The following FYN variants were observed in gnomAD, a reference collection of about 807,000 sequenced individuals.
FYN encodes the protein tyrosine-protein kinase Fyn.
Under a neutral mutation model 70.2 loss-of-function variants are expected in FYN, and 10 were observed. That is an observed-to-expected ratio of 0.14 (90% CI 0.09 to 0.24). FYN has a LOEUF of 0.24. Among genes scored for constraint, FYN ranks in the 10% least tolerant of loss-of-function variants. The probability of loss-of-function intolerance (pLI) is 1.00; values close to 1 mark genes in which losing one functional copy is unlikely to be tolerated. For missense variants in FYN, 319 were observed against 673.1 expected, an observed-to-expected ratio of 0.47 and a Z score of 5.82; for synonymous variants, 236 against 248.6, an observed-to-expected ratio of 0.95 and a Z score of 0.48.
intron 3 of FYN, among the ~76,000 whole-genome samples, chr6:111,740,490 A>AT (rs572340714): frequency 4.3e-4 from 66 of 152,372 alleles, no homozygotes; most frequent in Non-Finnish European, 7.5e-4. Context: ...AGGTAGAAAC[A>AT]TAACTACTTT....
rs1021836989 is a variant in FYN at position 111,774,496 on chromosome 6, C to A, written c.-12+6070G>T. On this transcript the variant is annotated intron_variant, in intron 3 of 13. Coordinates refer to ENST00000354650, the MANE Select transcript of FYN (RefSeq NM_002037.5). The stretch of plus-strand genomic sequence containing the variant: ...CACTGCAGGACATTTACCATCCCTG[C>A]CCCACTTTCTCTTGCATCATGTGCC... Among the ~76,000 whole-genome samples, 49 of 152,258 alleles carry A rather than the reference C, an allele frequency of 3.2e-4. 1 individual carries two copies. Among genetic ancestry groups the A allele is most frequent in the African/African-American group, 1.2e-3 (49 of 41,532 alleles).
At chr6:111,687,115 T>G (rs896665608) in intron 12 of FYN, among the ~76,000 whole-genome samples, 4 of 151,496 alleles carry the variant, frequency 2.6e-5, no homozygotes, top group African/African-American at 7.4e-5. Flanking sequence ...CAAAGAGTTA[T>G]TAAAGTAACA....
intron 1 of FYN, among the ~76,000 whole-genome samples, chr6:111,867,458 G>GAAAAA (rs373634134): frequency 8.5e-5 from 6 of 70,454 alleles, no homozygotes; most frequent in African/African-American, 2.8e-4. Flanking sequence ...TCCGTCTCGG[G>GAAAAA]AAAAAAAAAA....
intron 2 of FYN, among the ~76,000 whole-genome samples, chr6:111,841,988 AACAC>A (rs35832854): frequency 1.6e-4 from 24 of 148,182 alleles, no homozygotes; most frequent in African/African-American, 5.2e-4. Flanking sequence ...CTTCCTCCTA[AACAC>A]ACACACACAC....
chr6:111,779,872 T>C (rs1029293659), intron 3 of FYN, among the ~76,000 whole-genome samples: 1 of 152,230 alleles, frequency 6.6e-6, no homozygotes, highest in Non-Finnish European at 1.5e-5. Flanking sequence ...GCTCCAGCAC[T>C]ACCTACCTCA....
At chr6:111,741,411 C>T (rs1027145252) in intron 3 of FYN, among the ~76,000 whole-genome samples, 2 of 152,106 alleles carry the variant, frequency 1.3e-5, no homozygotes. Context: ...GTAATGCATA[C>T]GTGTGCATCT....
intron 3 of FYN, among the ~76,000 whole-genome samples, chr6:111,742,967 CTTTT>C (rs111682950): frequency 2.9e-5 from 4 of 139,202 alleles, no homozygotes; most frequent in Non-Finnish European, 3.1e-5. Flanking sequence ...TGATAAGAAT[CTTTT>C]TTTTTTTTTT....
chr6:111,814,684 A>G (rs1340579845), intron 2 of FYN, among the ~76,000 whole-genome samples: 1 of 152,004 alleles, frequency 6.6e-6, no homozygotes, highest in African/African-American at 2.4e-5. Flanking sequence ...AACACAATAC[A>G]TATTTTAAAA....
At chr6:111,720,144 G>A in intron 3 of FYN, 82 bp from the exon 4 acceptor site, 3 of 1,472,956 alleles carry the variant, frequency 2.0e-6, no homozygotes, top group Non-Finnish European at 2.7e-6. Flanking sequence ...AGGAGTAATT[G>A]ACAAGGCTCA....
chr6:111,853,140 T>C (rs1442097515), intron 1 of FYN, among the ~76,000 whole-genome samples: 3 of 152,148 alleles, frequency 2.0e-5, no homozygotes, highest in Non-Finnish European at 4.4e-5. Flanking sequence ...ATGAAGACAA[T>C]AGATTCCCTA....
At chr6:111,773,958 A>G (rs1327121501) in intron 3 of FYN, among the ~76,000 whole-genome samples, 2 of 152,248 alleles carry the variant, frequency 1.3e-5, no homozygotes, top group African/African-American at 4.8e-5. Context: ...ATGACGTTTA[A>G]GATAACAAAT....
intron 13 of FYN, among the ~76,000 whole-genome samples, chr6:111,662,985 C>T (rs993067679): frequency 7.2e-5 from 11 of 152,192 alleles, no homozygotes; most frequent in East Asian, 5.8e-4. Flanking sequence ...TCAGAGAGTG[C>T]GGCCTCCTGC....
At chr6:111,814,407 TA>T (rs1031377764) in intron 2 of FYN, among the ~76,000 whole-genome samples, 3 of 152,056 alleles carry the variant, frequency 2.0e-5, no homozygotes, top group Non-Finnish European at 2.9e-5. Context: ...ATCTGAAACA[TA>T]AAAAGATTTT....
intron 10 of FYN, among the ~76,000 whole-genome samples, chr6:111,695,612 C>T (rs745336933): frequency 5.9e-5 from 9 of 152,168 alleles, no homozygotes; most frequent in Non-Finnish European, 1.5e-5. Context: ...AAAGAAAGTA[C>T]ATGGAAAAGA....
In FYN at chr6:111,777,073, C is replaced by T. The variant is rs75575618; in HGVS notation, c.-12+3493G>A. 4.0e-3 allele frequency among the ~76,000 whole-genome samples: 607 copies of T among 152,322 alleles called. 6 individuals are homozygous for T. The highest frequency in any genetic ancestry group is 0.014 in the African/African-American group (592 of 41,558). On this transcript the variant is annotated intron_variant, in intron 3 of 13. Coordinates refer to ENST00000354650, the MANE Select transcript of FYN (RefSeq NM_002037.5). ...CTTAGAGGTCATCAAATGACTAACACATCTGAAGAAGCTGGGGTTAAAATT... is the reference window on the plus strand; with the variant it reads ...CTTAGAGGTCATCAAATGACTAACATATCTGAAGAAGCTGGGGTTAAAATT...
chr6:111,685,055 T>C (rs1293126560), intron 12 of FYN, among the ~76,000 whole-genome samples: 1 of 152,242 alleles, frequency 6.6e-6, no homozygotes, highest in Admixed American at 6.5e-5. Flanking sequence ...ATAAAAATTC[T>C]GATTCACAGC....
intron 3 of FYN, among the ~76,000 whole-genome samples, chr6:111,757,311 A>C (rs1802781929): frequency 6.6e-6 from 1 of 152,238 alleles, no homozygotes; most frequent in Admixed American, 6.5e-5. Flanking sequence ...ATAATAAAAA[A>C]ATTTAAGACA....
intron 13 of FYN, among the ~76,000 whole-genome samples, chr6:111,669,438 C>CA (rs10690295): frequency 0.036 from 2,014 of 56,612 alleles, 142 homozygotes; most frequent in African/African-American, 0.11. Context: ...CCATCCATCT[C>CA]AAAAAAAAAA....
intron 12 of FYN, among the ~76,000 whole-genome samples, chr6:111,692,052 T>C (rs1372862413): frequency 6.6e-6 from 1 of 151,998 alleles, no homozygotes; most frequent in African/African-American, 2.4e-5. Context: ...GGACAGCATG[T>C]CTTTTATTCT....
Sources: gnomAD v4.1 joint callset for allele counts (sites outside exome capture counted in the v4.1 genomes callset) on GRCh38, gnomAD v4.1.1 for gene constraint, MANE v1.5 for transcripts, NCBI Gene and HGNC (gene_info 2026-07-23, HGNC 2026-07-21) for gene names.